Variants in BSN observed in about 807,000 individuals in gnomAD.
BSN encodes the protein protein bassoon.
A neutral mutation model predicts 264.8 loss-of-function variants in BSN; 57 were observed. The ratio of observed to expected loss-of-function variants is 0.22; its 90% CI spans 0.17 to 0.27. The LOEUF (loss-of-function observed/expected upper bound fraction) is 0.27. Ranked by LOEUF, BSN falls within the 10% of genes least tolerant of loss-of-function variation. The pLI is 1.00. For missense variants in BSN, 4,615 were observed against 5,232.5 expected, an observed-to-expected ratio of 0.88 and a Z score of 3.64; for synonymous variants, 2,059 against 2,137.3, an observed-to-expected ratio of 0.96 and a Z score of 1.01.
At chr3:49,592,398 C>T (rs2051985140) in intron 1 of BSN, among the ~76,000 whole-genome samples, 1 of 150,922 alleles carries the variant, frequency 6.6e-6, no homozygotes, top group African/African-American at 2.4e-5. Context: ...CGTGAGCCAC[C>T]GTGCCCGACC....
intron 1 of BSN, among the ~76,000 whole-genome samples, chr3:49,604,888 G>A (rs978650824): frequency 6.7e-6 from 1 of 148,726 alleles, no homozygotes; most frequent in Admixed American, 6.8e-5. Flanking sequence ...CCACAACCCC[G>A]CCTCAAAGCC....
intron 1 of BSN, among the ~76,000 whole-genome samples, chr3:49,617,426 G>A (rs971930893): frequency 2.0e-5 from 3 of 151,058 alleles, no homozygotes; most frequent in South Asian, 2.1e-4. Context: ...CCTTTATGGC[G>A]GCACCCCTCT....
At chr3:49,639,583 G>C (rs2052445889) in intron 2 of BSN, among the ~76,000 whole-genome samples, 1 of 152,178 alleles carries the variant, frequency 6.6e-6, no homozygotes, top group Admixed American at 6.5e-5. Context: ...CGGCATCACT[G>C]TTCTTAGAGT....
chr3:49,587,447 A>T (rs902020764), intron 1 of BSN, among the ~76,000 whole-genome samples: 1 of 152,166 alleles, frequency 6.6e-6, no homozygotes, highest in Non-Finnish European at 1.5e-5. Flanking sequence ...TTACTGGTGG[A>T]GGGTCTTGAC....
In BSN at chr3:49,651,227, T is replaced by C. The variant is rs1409629594; in HGVS notation, c.1986+148T>C. 9.9e-6 allele frequency: 8 copies of C among 804,786 alleles called. No individual in the cohort carries two copies. The highest frequency in any genetic ancestry group is 1.5e-5 in the Non-Finnish European group (8 of 528,960). The allele number at this position is 804,786 out of a possible 1,614,324, so 49.9% of individuals were successfully genotyped here. A position where few individuals can be genotyped will look rare whatever the true frequency, so the allele number is the denominator to read the frequency against. On this transcript the variant is annotated intron_variant, in intron 4 of 11. Coordinates refer to ENST00000296452, the MANE Select transcript of BSN (RefSeq NM_003458.4). The surrounding 1 kb of genome is among the most constrained non-coding windows in gnomAD (Gnocchi z 5.4). ...GAAGGGACACAGTAGAAGGAAAGTC[T>C]AGATGAGGTTCTGGCACGCTTGGAG...
In BSN at chr3:49,651,789, C is replaced by T. The variant is rs188067365; in HGVS notation, c.2233C>T (p.Arg745Trp). 128 of 1,612,622 alleles carry T rather than the reference C, an allele frequency of 7.9e-5. No individual in the cohort carries two copies. Among genetic ancestry groups the T allele is most frequent in the South Asian group, 2.2e-4 (20 of 91,026 alleles). Residue 745 changes from arginine to tryptophan, a missense_variant, in exon 5 of 12, where the codon CGG (arginine) becomes TGG (tryptophan). By Grantham distance (101) the Arg-to-Trp change is moderately radical. Around this residue, in one of 3 missense-constraint regions of BSN, gnomAD observed 1,197 missense variants for 1,348.0 expected, o/e 0.89. Transcript: ENST00000296452. This position sits in a 1 kb window ranked among gnomAD's most constrained non-coding sequence, Gnocchi z 5.4. ...GGCCCAGGGCCTGGCCCCAAGTGAG[C>T]GGAGCAAGCCACTCTCCAGCGGTAC... ...LQAQGLAPSE[R>W]SKPLSSGTGE...
chr3:49,617,283 T>TTTTATA (rs1260747649), intron 1 of BSN, among the ~76,000 whole-genome samples: 111 of 122,034 alleles, frequency 9.1e-4, no homozygotes, highest in African/African-American at 3.0e-3. Flanking sequence ...ATAAAATACA[T>TTTTATA]TATATATATA....
intron 1 of BSN, among the ~76,000 whole-genome samples, chr3:49,588,741 T>A (rs1421785644): frequency 6.6e-6 from 1 of 152,198 alleles, no homozygotes; most frequent in African/African-American, 2.4e-5. Flanking sequence ...ATTCTGCAAA[T>A]TTATTTCTGT....
At chr3:49,671,905 A>G (rs1399684507), downstream of BSN, among the ~76,000 whole-genome samples, 1 of 152,018 alleles carries the variant, frequency 6.6e-6, no homozygotes, top group Non-Finnish European at 1.5e-5. The surrounding 1 kb of genome is among the most constrained non-coding windows in gnomAD (Gnocchi z 4.1). Flanking sequence ...AACAAGCCCT[A>G]CACCTCTCTG....
At chr3:49,593,797 T>G (rs2051998886) in intron 1 of BSN, among the ~76,000 whole-genome samples, 1 of 148,842 alleles carries the variant, frequency 6.7e-6, no homozygotes, top group African/African-American at 2.5e-5. Context: ...TGTTTTGTTT[T>G]GTTTTTTGTT....
Position 49,655,645 on chromosome 3 carries a change from G to A in BSN, c.6089G>A (p.Gly2030Glu), listed in dbSNP as rs749996001. Residue 2030 changes from glycine to glutamate, a missense_variant, in exon 5 of 12, where the codon GGA (glycine) becomes GAA (glutamate). Physicochemically the swap from Gly to Glu is moderately conservative, Grantham distance 98. This residue lies in a region of BSN where 3,415 missense variants were observed against 3,866.4 expected (regional missense o/e 0.88). Coordinates refer to ENST00000296452, the MANE Select transcript of BSN (RefSeq NM_003458.4). ...KHSYSLGFAD[G>E]RYLGQGLQYG... ...TCCTACAGCCTGGGCTTTGCGGATG[G>A]ACGCTACCTAGGGCAGGGCTTGCAG... is the stretch of plus-strand genomic sequence containing the variant. 4.3e-6 allele frequency: 7 copies of A among 1,613,682 alleles called. No individual in the cohort carries two copies. The highest frequency in any genetic ancestry group is 2.2e-5 in the South Asian group (2 of 91,084).
intron 2 of BSN, among the ~76,000 whole-genome samples, chr3:49,629,897 T>C (rs966665631): frequency 6.6e-6 from 1 of 152,236 alleles, no homozygotes; most frequent in Non-Finnish European, 1.5e-5. Context: ...GTCTGGACTT[T>C]GCTGAGGCCA....
intron 1 of BSN, among the ~76,000 whole-genome samples, chr3:49,588,753 A>G (rs1046615199): frequency 6.6e-6 from 1 of 152,170 alleles, no homozygotes; most frequent in Non-Finnish European, 1.5e-5. Context: ...TATTTCTGTT[A>G]TTGATTTCTA....
chr3:49,569,606 T>C (rs2051781397), intron 1 of BSN, among the ~76,000 whole-genome samples: 2 of 152,168 alleles, frequency 1.3e-5, no homozygotes, highest in Admixed American at 1.3e-4. Context: ...CTTGGAGGGC[T>C]CAGGGGCCTA....
At chr3:49,598,961 C>T (rs924196073) in intron 1 of BSN, among the ~76,000 whole-genome samples, 4 of 152,020 alleles carry the variant, frequency 2.6e-5, no homozygotes, top group African/African-American at 9.7e-5. Flanking sequence ...TATCACAGTT[C>T]AAGGAGTTTA....
chr3:49,621,061 T>G (rs1485385294), intron 1 of BSN, among the ~76,000 whole-genome samples: 1 of 152,076 alleles, frequency 6.6e-6, no homozygotes, highest in Non-Finnish European at 1.5e-5. Flanking sequence ...CTGGATTGAC[T>G]TAGGATGAGA....
At chr3:49,597,523 G>T (rs2052033577) in intron 1 of BSN, among the ~76,000 whole-genome samples, 8 of 152,018 alleles carry the variant, frequency 5.3e-5, no homozygotes, top group Admixed American at 5.2e-4. Flanking sequence ...TAGAGACAGG[G>T]TCTCACTATG....
chr3:49,624,908 G>A (rs1018439001), intron 1 of BSN, 67 bp from the exon 2 acceptor site: 2 of 1,433,904 alleles, frequency 1.4e-6, no homozygotes, highest in African/African-American at 2.9e-5. Flanking sequence ...CACCTAGCTT[G>A]GTAGAGACCT....
chr3:49,624,300 CT>C lies in BSN; in HGVS notation c.225-658del, dbSNP rs71080542. Among the ~76,000 whole-genome samples the C allele has an allele frequency of 6.5e-3, 437 of 67,180 alleles. 16 individuals are homozygous for C. The highest frequency in any genetic ancestry group is 0.022 in the African/African-American group (402 of 18,672). The allele number at this position is 67,180 out of a possible 152,430, so 44.1% of individuals were successfully genotyped here. ...CCAGGCGTGAGCCAACGTGCCCAGC[CT>C]TTTTTTTTTTTTTTTTAGACAGGGT... On this transcript the variant is annotated intron_variant, in intron 1 of 11. Transcript: ENST00000296452.
Sources: allele counts gnomAD v4.1 joint callset (sites outside exome capture counted in the v4.1 genomes callset), GRCh38; gene constraint gnomAD v4.1.1; regional missense constraint gnomAD v4.1.1; non-coding constraint Gnocchi (gnomAD v3.1); transcripts MANE v1.5; gene names NCBI Gene and HGNC (gene_info 2026-07-23, HGNC 2026-07-21).